The following SGCZ variants were observed in gnomAD, a reference collection of about 807,000 sequenced individuals.
SGCZ encodes the protein zeta-sarcoglycan.
SGCZ carries 40 observed loss-of-function variants against 41.3 expected under a neutral mutation model. That is an observed-to-expected ratio of 0.97 (90% CI 0.75 to 1.26). The LOEUF is 1.26. Ranked by LOEUF, SGCZ falls within the 50% of genes most tolerant of loss-of-function variation. The pLI is 0.00. For missense variants in SGCZ, 552 were observed against 369.8 expected (o/e 1.49, Z -4.04); for synonymous variants, 206 against 137.5 (o/e 1.50, Z -3.49).
intron 1 of SGCZ, among the ~76,000 whole-genome samples, chr8:14,693,217 A>G (rs1021136735): frequency 6.6e-6 from 1 of 152,170 alleles, no homozygotes; most frequent in Non-Finnish European, 1.5e-5. Flanking sequence ...TGAATATTCT[A>G]ATCTGTTAAA....
intron 2 of SGCZ, among the ~76,000 whole-genome samples, chr8:14,487,576 T>C (rs1801710439): frequency 7.9e-6 from 1 of 126,432 alleles, no homozygotes; most frequent in Non-Finnish European, 1.8e-5. Flanking sequence ...TGATAATTTA[T>C]TTCAATTATG....
chr8:14,561,840 G>T (rs941020682), intron 1 of SGCZ, among the ~76,000 whole-genome samples: 2 of 152,048 alleles, frequency 1.3e-5, no homozygotes, highest in African/African-American at 4.8e-5. Context: ...TAACATTTCT[G>T]GCAAGATGTT....
chr8:15,127,232 G>GCA (rs892939125), intron 1 of SGCZ, among the ~76,000 whole-genome samples: 23 of 69,778 alleles, frequency 3.3e-4, no homozygotes, highest in African/African-American at 8.1e-4. Flanking sequence ...ACATCTATAG[G>GCA]CACACACACA....
intron 1 of SGCZ, among the ~76,000 whole-genome samples, chr8:14,671,942 T>C (rs923834147): frequency 6.6e-6 from 1 of 152,132 alleles, no homozygotes; most frequent in Non-Finnish European, 1.5e-5. Flanking sequence ...CATTTTGCCT[T>C]ATTAATATCA....
At chr8:15,103,400 C>CTAAAGAAATAAA (rs1806691184) in intron 1 of SGCZ, among the ~76,000 whole-genome samples, 1 of 143,288 alleles carries the variant, frequency 7.0e-6, no homozygotes, top group South Asian at 2.3e-4. Context: ...GACCCTGTCT[C>CTAAAGAAATAAA]TAAATAAATA....
chr8:15,207,803 G>A (rs1266564126), intron 1 of SGCZ, among the ~76,000 whole-genome samples: 1 of 152,114 alleles, frequency 6.6e-6, no homozygotes, highest in Non-Finnish European at 1.5e-5. Context: ...AGAAGGAAAT[G>A]AAGGACATTC....
At chr8:14,228,597 T>A (rs1806454579) in intron 4 of SGCZ, among the ~76,000 whole-genome samples, 2 of 152,062 alleles carry the variant, frequency 1.3e-5, no homozygotes, top group African/African-American at 2.4e-5. Context: ...AGTCTGTGCA[T>A]TATATTTATT....
chr8:14,337,072 G>A (rs1326419441), intron 2 of SGCZ, among the ~76,000 whole-genome samples: 1 of 152,224 alleles, frequency 6.6e-6, no homozygotes, highest in Non-Finnish European at 1.5e-5. Context: ...TTCTCTGTCT[G>A]TAAGCCCTTT....
At chr8:14,356,099 C>A (rs1219926005) in intron 2 of SGCZ, among the ~76,000 whole-genome samples, 1 of 152,194 alleles carries the variant, frequency 6.6e-6, no homozygotes, top group Non-Finnish European at 1.5e-5. Context: ...GCCACACAAA[C>A]ACCAGAGTGG....
chr8:14,540,990 A>T (rs1803448752), intron 2 of SGCZ, among the ~76,000 whole-genome samples: 1 of 150,770 alleles, frequency 6.6e-6, no homozygotes, highest in South Asian at 2.1e-4. Flanking sequence ...GTTCTTATGT[A>T]TATATATGTA....
chr8:14,981,009 C>T (rs541131089), intron 1 of SGCZ, among the ~76,000 whole-genome samples: 29 of 152,278 alleles, frequency 1.9e-4, no homozygotes, highest in African/African-American at 6.3e-4. Context: ...TGCCTTGACA[C>T]AATTCACCAA....
intron 2 of SGCZ, among the ~76,000 whole-genome samples, chr8:14,338,193 T>G (rs1802566313): frequency 6.6e-6 from 1 of 152,114 alleles, no homozygotes; most frequent in Non-Finnish European, 1.5e-5. Context: ...AAAAGTGCAG[T>G]CGTCTTAGCC....
intron 2 of SGCZ, among the ~76,000 whole-genome samples, chr8:14,407,309 T>C (rs112316305): frequency 5.9e-5 from 9 of 152,022 alleles, no homozygotes; most frequent in African/African-American, 1.4e-4. Context: ...CCTCAAGCGA[T>C]CCAAGGTTTC....
chr8:15,104,346 C>G (rs1037178884), intron 1 of SGCZ, among the ~76,000 whole-genome samples: 1 of 152,144 alleles, frequency 6.6e-6, no homozygotes, highest in Non-Finnish European at 1.5e-5. Context: ...TAGATAAAAG[C>G]TACAAGGATT....
chr8:14,489,822 A>T (rs1012907049), intron 2 of SGCZ, among the ~76,000 whole-genome samples: 5 of 146,610 alleles, frequency 3.4e-5, no homozygotes, highest in Admixed American at 1.4e-4. Flanking sequence ...CTCTCTCCTA[A>T]CATCATGCAG....
intron 1 of SGCZ, among the ~76,000 whole-genome samples, chr8:15,094,557 T>C (rs1806267032): frequency 6.6e-6 from 1 of 152,096 alleles, no homozygotes; most frequent in African/African-American, 2.4e-5. Context: ...AGTACTAAAG[T>C]CCTGAGTTAA....
intron 3 of SGCZ, among the ~76,000 whole-genome samples, chr8:14,267,569 CA>C (rs1449313508): frequency 1.3e-5 from 2 of 152,018 alleles, no homozygotes; most frequent in African/African-American, 4.8e-5. Context: ...TGCTATTATG[CA>C]TAATATTCTT....
At chr8:15,115,949 T>C (rs943812543) in intron 1 of SGCZ, among the ~76,000 whole-genome samples, 3 of 152,220 alleles carry the variant, frequency 2.0e-5, no homozygotes, top group African/African-American at 7.2e-5. Context: ...CAAACTTTAA[T>C]AGGCCACATA....
chr8:14,990,890 G>C (rs1290066516), intron 1 of SGCZ, among the ~76,000 whole-genome samples: 2 of 151,970 alleles, frequency 1.3e-5, no homozygotes, highest in Admixed American at 6.6e-5. Context: ...AAATCTCAGA[G>C]GATCCTGTTA....
Sources: gnomAD v4.1 joint callset for allele counts (sites outside exome capture counted in the v4.1 genomes callset) on GRCh38, gnomAD v4.1.1 for gene constraint, MANE v1.5 for transcripts, NCBI Gene and HGNC (gene_info 2026-07-23, HGNC 2026-07-21) for gene names.